The following NUP85 variants were observed in gnomAD, a reference collection of about 807,000 sequenced individuals.
The protein encoded by NUP85 is nuclear pore complex protein Nup85.
In NUP85, 23 loss-of-function variants were observed where a neutral mutation model predicts 92.8. That is an observed-to-expected ratio of 0.25 (90% CI 0.18 to 0.35). NUP85 has a LOEUF of 0.35. Among genes scored for constraint, NUP85 ranks in the 10% least tolerant of loss-of-function variants. The probability of loss-of-function intolerance (pLI) is 1.00; values close to 1 mark genes in which losing one functional copy is unlikely to be tolerated. For synonymous variants in NUP85, 314 were observed against 306.9 expected (o/e 1.02, Z -0.24); for missense variants, 759 against 822.8 (o/e 0.92, Z 0.95).
In NUP85 at chr17:75,213,885, T is replaced by G. The variant is rs1406238893; in HGVS notation, c.405+766T>G. Reference sequence around the variant, plus strand: ...AAGTTTTTTTTTTTTTTTTTTTTTTTTTTTGAGACGGAGTCTCTCTCTGTC... The same window carrying G: ...AAGTTTTTTTTTTTTTTTTTTTTTTGTTTTGAGACGGAGTCTCTCTCTGTC... On this transcript the variant is annotated intron_variant, in intron 5 of 18. Coordinates refer to ENST00000245544, the MANE Select transcript of NUP85 (RefSeq NM_024844.5). 4.0e-3 allele frequency among the ~76,000 whole-genome samples: 598 copies of G among 150,282 alleles called. 8 individuals are homozygous for G. The highest frequency in any genetic ancestry group is 0.014 in the Middle Eastern group (4 of 284).
chr17:75,228,891 G>A (rs1469356267), intron 11 of NUP85: 1 of 985,308 alleles, frequency 1.0e-6, no homozygotes, highest in Admixed American at 6.2e-5. Flanking sequence ...AAGGGCCAGG[G>A]GTTTGTCTCT....
At chr17:75,228,686 TA>T in intron 11 of NUP85, 1 of 985,446 alleles carries the variant, frequency 1.0e-6, no homozygotes, top group Non-Finnish European at 1.2e-6. Context: ...CATGCCTTTT[TA>T]AAGGCATTAG....
chr17:75,233,039 T>C lies in NUP85; in HGVS notation c.1515-19T>C, dbSNP rs1265532006. 11 of 1,613,882 alleles carry C rather than the reference T, an allele frequency of 6.8e-6. No individual in the cohort carries two copies. The South Asian group carries it at 1.1e-4, about 16-fold the overall frequency. ...TGGGCCTGAGACTGCTGCTCTGATCTCTGGGCCGGGCCCTGCAGGTTCCTC... is the reference window on the plus strand; with the variant it reads ...TGGGCCTGAGACTGCTGCTCTGATCCCTGGGCCGGGCCCTGCAGGTTCCTC... On this transcript the variant is annotated intron_variant, in intron 15 of 18. Transcript: ENST00000245544.
intron 7 of NUP85, 122 bp downstream of exon 7, chr17:75,218,428 G>T: frequency 1.7e-6 from 2 of 1,193,324 alleles, no homozygotes; most frequent in Admixed American, 4.0e-5. Context: ...CTGTTACTAT[G>T]GAGACTCTTT....
intron 16 of NUP85, among the ~76,000 whole-genome samples, chr17:75,233,381 C>CTCTCTT (rs1399403834): frequency 1.2e-4 from 7 of 60,224 alleles, no homozygotes; most frequent in African/African-American, 2.3e-4. Flanking sequence ...CTTTCTTTCT[C>CTCTCTT]TCTTTCTTTC....
chr17:75,225,482 G>T lies in NUP85; in HGVS notation c.855+18G>T, dbSNP rs371760418. 4.3e-6 allele frequency: 7 copies of T among 1,611,250 alleles called. No individual in the cohort carries two copies. Among genetic ancestry groups the T allele is most frequent in the Non-Finnish European group, 5.9e-6 (7 of 1,179,238 alleles). ...TCTTGAAGGTCTGGGAAGCAGTTCA[G>T]ATTGCATCCATGTTGGCTTCCTATG... On this transcript the variant is annotated intron_variant, in intron 9 of 18. Coordinates refer to ENST00000245544, the MANE Select transcript of NUP85 (RefSeq NM_024844.5).
rs2076072564 is a variant in NUP85, at chr17:75,231,803, G to A, written c.1245-25G>A. ...TCGGAGCCATGAGGCAGCACCTCATGTCTGTCCTCCTCGAACCTTTGCAGC... is the reference window on the plus strand; with the variant it reads ...TCGGAGCCATGAGGCAGCACCTCATATCTGTCCTCCTCGAACCTTTGCAGC... On this transcript the variant is annotated intron_variant, in intron 13 of 18. Transcript: ENST00000245544. The surrounding 1 kb of genome is among the most constrained non-coding windows in gnomAD (Gnocchi z 4.6). 1 of 1,613,660 alleles carries A rather than the reference G, an allele frequency of 6.2e-7. No homozygotes were observed. The highest frequency in any genetic ancestry group is 8.5e-7 in the Non-Finnish European group (1 of 1,179,794).
In NUP85 at chr17:75,233,386, TCTTTC is replaced by T. The variant is rs1568095984; in HGVS notation, c.1615+229_1615+233del. On this transcript the variant is annotated intron_variant, in intron 16 of 18. Coordinates refer to ENST00000245544, the MANE Select transcript of NUP85 (RefSeq NM_024844.5). ...GTTTGTTTTTCTTTCTTTCTCTCTTTCTTTCTCTTTCTCTTTCTCTTTCTTTCTTT... is the reference window on the plus strand; with the variant it reads ...GTTTGTTTTTCTTTCTTTCTCTCTTTTCTTTCTCTTTCTCTTTCTTTCTTT... 2.3e-4 allele frequency among the ~76,000 whole-genome samples: 5 copies of T among 21,630 alleles called. No homozygotes were observed. The East Asian group carries it at 0.06, about 258-fold the overall frequency. 14.2% of individuals were successfully genotyped at this position (21,630 alleles called of 152,430 possible). A position where few individuals can be genotyped will look rare whatever the true frequency, so the allele number is the denominator to read the frequency against.
At chr17:75,216,842 C>A (rs2075447160) in intron 6 of NUP85, among the ~76,000 whole-genome samples, 1 of 152,096 alleles carries the variant, frequency 6.6e-6, no homozygotes, top group Non-Finnish European at 1.5e-5. Flanking sequence ...GGTTCTACAT[C>A]ATGGATACGG....
At chr17:75,206,829 C>G (rs1381601503) in intron 1 of NUP85, among the ~76,000 whole-genome samples, 3 of 151,784 alleles carry the variant, frequency 2.0e-5, no homozygotes, top group Non-Finnish European at 4.4e-5. Context: ...TCCTGAGTAG[C>G]TGGGACTACA....
At position 75,205,682 on chromosome 17, in the gene NUP85, T is replaced by C; in HGVS notation, c.-80T>C. On this transcript the variant is annotated 5_prime_UTR_variant, in exon 1 of 19. Coordinates refer to ENST00000245544, the MANE Select transcript of NUP85 (RefSeq NM_024844.5). ...GGAGACGCCCAGGCGGAGTCTTGTCTCGCAGCCAGCTCTGAGCGGGAGGCC... is the reference window on the plus strand; with the variant it reads ...GGAGACGCCCAGGCGGAGTCTTGTCCCGCAGCCAGCTCTGAGCGGGAGGCC... The C allele has an allele frequency of 6.4e-7, 1 of 1,572,946 alleles. No homozygotes were observed. Among genetic ancestry groups the C allele is most frequent in the Non-Finnish European group, 8.7e-7 (1 of 1,143,464 alleles).
chr17:75,230,306 G>A (rs534279626), intron 11 of NUP85, among the ~76,000 whole-genome samples: 165 of 151,084 alleles, frequency 1.1e-3, no homozygotes, highest in Middle Eastern at 0.01. Context: ...GCCTTTCAGT[G>A]TTGGGATTAC....
At chr17:75,222,833 A>G (rs1157296535) in intron 7 of NUP85, among the ~76,000 whole-genome samples, 3 of 151,934 alleles carry the variant, frequency 2.0e-5, no homozygotes, top group Admixed American at 2.0e-4. Context: ...CAGGAGATCA[A>G]GACCATCCTG....
At chr17:75,222,022 C>CGT (rs3047551) in intron 7 of NUP85, among the ~76,000 whole-genome samples, 4 of 132,304 alleles carry the variant, frequency 3.0e-5, no homozygotes, top group East Asian at 2.5e-4. Context: ...ATGTTTCTCT[C>CGT]GTGTGTGTGT....
rs772850238 is a variant in NUP85 at position 75,209,859 on chromosome 17, A to T, written c.164A>T (p.Tyr55Phe). The stretch of plus-strand genomic sequence containing the variant: ...ATGGTGCCAAGTTGCCCCTTTATCT[A>T]TATCATCCGTAAGGATGTAGATGTT... ...SEMVPSCPFI[Y>F]IIRKDVDVYS... Residue 55 changes from tyrosine to phenylalanine, a missense_variant, in exon 3 of 19, where the codon TAT becomes TTT. Coordinates refer to ENST00000245544, the MANE Select transcript of NUP85 (RefSeq NM_024844.5). 24 of 1,578,240 alleles carry T rather than the reference A, an allele frequency of 1.5e-5. No homozygotes were observed. Among genetic ancestry groups the T allele is most frequent in the Admixed American group, 2.0e-5 (1 of 48,958 alleles).
chr17:75,228,044 C>T (rs776190609), intron 11 of NUP85: 3 of 215,346 alleles, frequency 1.4e-5, no homozygotes, highest in Non-Finnish European at 2.4e-5. Context: ...CACAAACACA[C>T]CATCGTTTGG....
intron 7 of NUP85, among the ~76,000 whole-genome samples, chr17:75,219,493 T>A (rs1568077607): frequency 6.6e-6 from 1 of 152,138 alleles, no homozygotes; most frequent in Non-Finnish European, 1.5e-5. Flanking sequence ...AGGCTGGTCT[T>A]GAACTCCTGG....
rs2076307623 is a variant in NUP85, at chr17:75,235,707, T to C, written c.*28T>C. The C allele has an allele frequency of 6.9e-7, 1 of 1,449,322 alleles. No individual in the cohort carries two copies. Among genetic ancestry groups the C allele is most frequent in the Non-Finnish European group, 9.6e-7 (1 of 1,045,716 alleles). The allele number at this position is 1,449,322 out of a possible 1,614,324, so 89.8% of individuals were successfully genotyped here. A position where few individuals can be genotyped will look rare whatever the true frequency, so the allele number is the denominator to read the frequency against. ...ACTGCTTCAATGTGGTATCTTTGTATGGCAATGTATATAGATTTTTTTAAA... is the reference window on the plus strand; with the variant it reads ...ACTGCTTCAATGTGGTATCTTTGTACGGCAATGTATATAGATTTTTTTAAA... On this transcript the variant is annotated 3_prime_UTR_variant, in exon 19 of 19. Transcript: ENST00000245544.
intron 11 of NUP85, among the ~76,000 whole-genome samples, chr17:75,230,367 T>G (rs921079835): frequency 2.6e-5 from 4 of 150,992 alleles, no homozygotes; most frequent in Admixed American, 6.6e-5. Flanking sequence ...TTTTTGTTTT[T>G]TTTTTTTTTT....
Sources: allele counts gnomAD v4.1 joint callset (sites outside exome capture counted in the v4.1 genomes callset), GRCh38; gene constraint gnomAD v4.1.1; non-coding constraint Gnocchi (gnomAD v3.1); transcripts MANE v1.5; gene names NCBI Gene and HGNC (gene_info 2026-07-23, HGNC 2026-07-21).